PXMP2: variants seen among roughly 807,000 people sequenced by gnomAD.
The protein encoded by PXMP2 is peroxisomal membrane protein 2, also known as 22 kDa peroxisomal membrane protein.
PXMP2 carries 13 observed loss-of-function variants against 20.2 expected under a neutral mutation model. The ratio of observed to expected loss-of-function variants is 0.64; its 90% CI spans 0.42 to 1.02. PXMP2 has a LOEUF of 1.02. Among genes scored for constraint, PXMP2 ranks in the 50% least tolerant of loss-of-function variants. PXMP2 has a pLI of 0.00. For synonymous variants in PXMP2, 113 were observed against 111.2 expected (o/e 1.02, Z -0.10); for missense variants, 284 against 251.8 (o/e 1.13, Z -0.87).
At chr12:132,701,527 A>T in intron 4 of PXMP2, 158 bp downstream of exon 4, 5 of 998,676 alleles carry the variant, frequency 5.0e-6, no homozygotes, top group African/African-American at 1.8e-5. Flanking sequence ...CCGTGTCTAG[A>T]CTCCTCAACT....
chr12:132,692,305 T>C (rs2043373670), intron 2 of PXMP2, among the ~76,000 whole-genome samples: 1 of 139,200 alleles, frequency 7.2e-6, no homozygotes, highest in Non-Finnish European at 1.6e-5. Context: ...CCCTTGCCAG[T>C]TAATTAGTGA....
In PXMP2 at chr12:132,696,004, G is replaced by T. The variant is rs145883118; in HGVS notation, c.357G>T (p.Pro119=). The T allele has an allele frequency of 8.3e-4, 1,332 of 1,611,036 alleles. 1 individual carries two copies. The highest frequency in any genetic ancestry group is 1.0e-3 in the Non-Finnish European group (1,213 of 1,178,618). ...TCCTGGACCGCCTCGTCTTTGCACC[G>T]GCCTTCCTCATGTTGTTCTTCCTCA... The part of the protein sequence containing the change: ...RLLLDRLVFA[P]AFLMLFFLIM... The change falls in exon 3 of 5, where the codon CCG becomes CCT. Residue 119 remains proline (P), a synonymous_variant. Coordinates refer to ENST00000317479, the MANE Select transcript of PXMP2 (RefSeq NM_018663.3). The surrounding 1 kb of genome is among the most constrained non-coding windows in gnomAD (Gnocchi z 4.4).
intron 2 of PXMP2, among the ~76,000 whole-genome samples, chr12:132,691,328 G>T (rs953280570): frequency 5.4e-4 from 82 of 152,214 alleles, no homozygotes; most frequent in African/African-American, 1.9e-3. Flanking sequence ...GATTACAGGC[G>T]CGAGCCACAG....
chr12:132,700,918 G>A (rs570859887), intron 3 of PXMP2, among the ~76,000 whole-genome samples: 1 of 151,676 alleles, frequency 6.6e-6, no homozygotes, highest in Non-Finnish European at 1.5e-5. Flanking sequence ...GGTTATTTGG[G>A]AGGAATTGAC....
At chr12:132,703,509 C>G (rs989128539) in intron 4 of PXMP2, among the ~76,000 whole-genome samples, 3 of 152,282 alleles carry the variant, frequency 2.0e-5, no homozygotes, top group Admixed American at 6.5e-5. Flanking sequence ...AGGCCCTGCC[C>G]TCTGTGATGA....
intron 3 of PXMP2, 39 bp from the exon 4 acceptor site, chr12:132,701,211 C>T: frequency 6.2e-7 from 1 of 1,612,188 alleles, no homozygotes; most frequent in Non-Finnish European, 8.5e-7. Context: ...TTCTGATGGG[C>T]AGTGAGACTG....
At chr12:132,688,350 TCA>T (rs2043333729) in intron 1 of PXMP2, among the ~76,000 whole-genome samples, 4 of 30,668 alleles carry the variant, frequency 1.3e-4, no homozygotes, top group Non-Finnish European at 2.1e-4. Context: ...GAGCGGGTCC[TCA>T]TGGAGCGTGT....
intron 3 of PXMP2, among the ~76,000 whole-genome samples, chr12:132,699,389 T>C (rs2043426313): frequency 6.6e-6 from 1 of 152,060 alleles, no homozygotes; most frequent in Non-Finnish European, 1.5e-5. Flanking sequence ...CCAGCCAGCA[T>C]GGGCAACAGA....
chr12:132,697,697 C>T (rs112120183), intron 3 of PXMP2, among the ~76,000 whole-genome samples: 2 of 152,032 alleles, frequency 1.3e-5, no homozygotes, highest in Non-Finnish European at 1.5e-5. Context: ...TGAGCCACTG[C>T]GCCCAGCCGT....
At chr12:132,702,243 G>A (rs918157126) in intron 4 of PXMP2, among the ~76,000 whole-genome samples, 3 of 152,240 alleles carry the variant, frequency 2.0e-5, no homozygotes, top group African/African-American at 7.2e-5. Flanking sequence ...GCCACACCTG[G>A]GCAAGGGGTG....
chr12:132,695,582 T>C (rs1483745405), intron 2 of PXMP2, among the ~76,000 whole-genome samples: 2 of 152,186 alleles, frequency 1.3e-5, no homozygotes, highest in African/African-American at 4.8e-5. Flanking sequence ...CCAAGAGTGT[T>C]AGCACAGGCG....
At chr12:132,698,508 T>A (rs1565992780) in intron 3 of PXMP2, among the ~76,000 whole-genome samples, 1 of 152,268 alleles carries the variant, frequency 6.6e-6, no homozygotes, top group Admixed American at 6.5e-5. Flanking sequence ...ACTTCTGTGT[T>A]GATTTTTCCA....
chr12:132,694,817 C>T (rs534123927), intron 2 of PXMP2, among the ~76,000 whole-genome samples: 26 of 143,330 alleles, frequency 1.8e-4, no homozygotes, highest in Non-Finnish European at 3.5e-4. Flanking sequence ...AGTTAGTGAG[C>T]GCCCTTAGCC....
intron 3 of PXMP2, among the ~76,000 whole-genome samples, chr12:132,700,444 T>G (rs946001502): frequency 2.0e-5 from 3 of 151,690 alleles, no homozygotes; most frequent in Non-Finnish European, 4.4e-5. Flanking sequence ...TGTTGAACAT[T>G]TTTTCATATG....
At chr12:132,692,203 CAGTT>C (rs1302857365) in intron 2 of PXMP2, among the ~76,000 whole-genome samples, 28 of 139,722 alleles carry the variant, frequency 2.0e-4, no homozygotes, top group African/African-American at 3.2e-4. Flanking sequence ...CTCCCTTAGC[CAGTT>C]AGTTAGTGAG....
chr12:132,692,274 TA>T (rs1382035848), intron 2 of PXMP2, among the ~76,000 whole-genome samples: 18 of 124,598 alleles, frequency 1.4e-4, no homozygotes, highest in South Asian at 2.6e-4. Context: ...TGAGCTCCCT[TA>T]GCCAGTTAGT....
At chr12:132,703,132 T>C (rs946451209) in intron 4 of PXMP2, among the ~76,000 whole-genome samples, 1 of 152,178 alleles carries the variant, frequency 6.6e-6, no homozygotes, top group Admixed American at 6.5e-5. Flanking sequence ...GTCTAGAACA[T>C]GCTCTCAAAG....
chr12:132,703,996 T>C (rs1288020066), intron 4 of PXMP2, among the ~76,000 whole-genome samples: 1 of 152,082 alleles, frequency 6.6e-6, no homozygotes, highest in African/African-American at 2.4e-5. Context: ...CCTAGGTGGG[T>C]GCAGGTGTAT....
rs1302459773 is a variant in PXMP2, at chr12:132,704,751, A to C, written c.*64A>C. 1 of 1,477,968 alleles carries C rather than the reference A, an allele frequency of 6.8e-7. No homozygotes were observed. Among genetic ancestry groups the C allele is most frequent in the Admixed American group, 1.7e-5 (1 of 57,592 alleles). 91.6% of individuals were successfully genotyped at this position (1,477,968 alleles called of 1,614,324 possible). A position where few individuals can be genotyped will look rare whatever the true frequency, so the allele number is the denominator to read the frequency against. The stretch of plus-strand genomic sequence containing the variant: ...GTCTGGGGGTCTCACCCGCCCAGCG[A>C]GAGCAGAACCAATCCAGTCAGGATG... On this transcript the variant is annotated 3_prime_UTR_variant, in exon 5 of 5. Coordinates refer to ENST00000317479, the MANE Select transcript of PXMP2 (RefSeq NM_018663.3).
Sources: gnomAD v4.1 joint callset for allele counts (sites outside exome capture counted in the v4.1 genomes callset) on GRCh38, gnomAD v4.1.1 for gene constraint, Gnocchi (gnomAD v3.1) non-coding constraint, MANE v1.5 for transcripts, NCBI Gene and HGNC (gene_info 2026-07-23, HGNC 2026-07-21) for gene names.